Variants in ATP10A observed in about 807,000 individuals in gnomAD.
ATP10A encodes the protein phospholipid-transporting ATPase VA.
In ATP10A, 111 loss-of-function variants were observed where a neutral mutation model predicts 147.8. That is an observed-to-expected ratio of 0.75 (90% CI 0.64 to 0.88). The LOEUF (loss-of-function observed/expected upper bound fraction) is 0.88. Ranked by LOEUF, ATP10A falls within the 40% of genes least tolerant of loss-of-function variation. The pLI is 0.00. For missense variants in ATP10A, 1,927 were observed against 1,959.0 expected (o/e 0.98, Z 0.31); for synonymous variants, 875 against 841.6 (o/e 1.04, Z -0.69).
chr15:25,698,602 A>G (rs546714011), intron 13 of ATP10A, among the ~76,000 whole-genome samples: 26 of 152,320 alleles, frequency 1.7e-4, no homozygotes, highest in Middle Eastern at 3.4e-3. Context: ...TTTTGACTAC[A>G]TGGAGGGATT....
rs374927963 is a variant in ATP10A at position 25,736,046 on chromosome 15, C to T, written c.740+10G>A. 1.4e-4 allele frequency: 225 copies of T among 1,608,106 alleles called. No individual in the cohort carries two copies. The highest frequency in any genetic ancestry group is 1.8e-4 in the Non-Finnish European group (210 of 1,174,682). On this transcript the variant is annotated intron_variant, in intron 3 of 20. Coordinates refer to ENST00000555815, the MANE Select transcript of ATP10A (RefSeq NM_024490.4). ...AGAAGGATGCGCGCAGGCAGACACACGATACTCACATGCAGCCGCGAAACC... is the reference window on the plus strand; with the variant it reads ...AGAAGGATGCGCGCAGGCAGACACATGATACTCACATGCAGCCGCGAAACC...
chr15:25,694,396 T>C (rs2140318719), intron 14 of ATP10A, among the ~76,000 whole-genome samples: 1 of 152,294 alleles, frequency 6.6e-6, no homozygotes, highest in Non-Finnish European at 1.5e-5. Flanking sequence ...CCTTAGGGCG[T>C]TACAAAGCCT....
intron 15 of ATP10A, among the ~76,000 whole-genome samples, chr15:25,688,447 C>T (rs1899821822): frequency 1.3e-5 from 2 of 152,170 alleles, no homozygotes; most frequent in South Asian, 4.1e-4. Context: ...CAGGCAGGAG[C>T]CTGCCATGGA....
At chr15:25,735,221 G>A (rs141863733) in intron 3 of ATP10A, among the ~76,000 whole-genome samples, 22 of 152,262 alleles carry the variant, frequency 1.4e-4, no homozygotes, top group African/African-American at 3.6e-4. Flanking sequence ...GGTCATGTGC[G>A]TCATGCCCCT....
rs562224400 is a variant in ATP10A at position 25,691,661 on chromosome 15, A to G, written c.3165+54T>C. The G allele has an allele frequency of 3.2e-6, 5 of 1,579,746 alleles. No homozygotes were observed. The East Asian group carries it at 6.7e-5, about 21-fold the overall frequency. ...CGGGGACAGCCCACAGGGTGACAGGACAAGAGGTCAGTAGGGCCAATTGGT... is the reference window on the plus strand; with the variant it reads ...CGGGGACAGCCCACAGGGTGACAGGGCAAGAGGTCAGTAGGGCCAATTGGT... On this transcript the variant is annotated intron_variant, in intron 15 of 20. Coordinates refer to ENST00000555815, the MANE Select transcript of ATP10A (RefSeq NM_024490.4).
intron 13 of ATP10A, among the ~76,000 whole-genome samples, chr15:25,698,687 A>G (rs1396524353): frequency 6.6e-6 from 1 of 152,220 alleles, no homozygotes; most frequent in Non-Finnish European, 1.5e-5. Flanking sequence ...TAAAAATACT[A>G]CTTACAAAAC....
At chr15:25,781,831 T>A (rs1260199229) in intron 1 of ATP10A, among the ~76,000 whole-genome samples, 9 of 152,130 alleles carry the variant, frequency 5.9e-5, no homozygotes, top group Non-Finnish European at 1.3e-4. Flanking sequence ...GGAGTACCAG[T>A]CACAGCTTAA....
intron 1 of ATP10A, among the ~76,000 whole-genome samples, chr15:25,818,083 T>A (rs1008357322): frequency 2.1e-5 from 3 of 144,630 alleles, no homozygotes; most frequent in South Asian, 2.2e-4. Flanking sequence ...AAATTATTTT[T>A]AAAAAAAGCA....
intron 1 of ATP10A, among the ~76,000 whole-genome samples, chr15:25,797,287 T>TG (rs2140767086): frequency 6.6e-6 from 1 of 152,318 alleles, no homozygotes; most frequent in East Asian, 1.9e-4. Context: ...CTGTTGCAAG[T>TG]TCTAGTAAGT....
In ATP10A at chr15:25,716,761, A is replaced by C; in HGVS notation, c.1745T>G (p.Val582Gly). ...FIALTICNTV[V>G]VTSPDQPRTK... ...TCGTGGCTGATCCGGGGACGTGACG[A>C]CGACTGTGTTGCAGATGGTGAGTGC... is the stretch of plus-strand genomic sequence containing the variant. The change falls in exon 9 of 21, where the codon GTC becomes GGC. Residue 582 changes from valine to glycine, a missense_variant. Transcript: ENST00000555815. 3.1e-6 allele frequency: 5 copies of C among 1,600,470 alleles called. No individual in the cohort carries two copies. Among genetic ancestry groups the C allele is most frequent in the Non-Finnish European group, 4.3e-6 (5 of 1,173,430 alleles).
upstream of ATP10A, among the ~76,000 whole-genome samples, chr15:25,863,890 C>T (rs1430204090): frequency 2.0e-5 from 3 of 152,228 alleles, no homozygotes; most frequent in Non-Finnish European, 4.4e-5. Context: ...CGTTTCCTTT[C>T]CACCATCATC....
At chr15:25,844,822 CAAG>C (rs879336194) in intron 1 of ATP10A, among the ~76,000 whole-genome samples, 4 of 152,188 alleles carry the variant, frequency 2.6e-5, no homozygotes, top group Non-Finnish European at 4.4e-5. Flanking sequence ...CAAAATGAGA[CAAG>C]GAGGGGCTGG....
intron 1 of ATP10A, among the ~76,000 whole-genome samples, chr15:25,839,053 T>C (rs1017774270): frequency 1.3e-5 from 2 of 152,148 alleles, no homozygotes; most frequent in South Asian, 2.1e-4. Flanking sequence ...CAAAGGCGTG[T>C]TTACCTAGGT....
intron 2 of ATP10A, among the ~76,000 whole-genome samples, chr15:25,737,027 C>A (rs1483965975): frequency 6.6e-6 from 1 of 152,158 alleles, no homozygotes; most frequent in Non-Finnish European, 1.5e-5. Context: ...TAGAATACAG[C>A]CATAAAGGTA....
At chr15:25,779,186 A>G (rs1388637699) in intron 2 of ATP10A, among the ~76,000 whole-genome samples, 1 of 152,150 alleles carries the variant, frequency 6.6e-6, no homozygotes, top group Non-Finnish European at 1.5e-5. Flanking sequence ...AGAGGAAGTT[A>G]TTCTTGAGAG....
Position 25,724,016 on chromosome 15 carries a change from C to A in ATP10A, c.985G>T (p.Gly329Ter). 1 of 1,584,212 alleles carries A rather than the reference C, an allele frequency of 6.3e-7. No homozygotes were observed. Among genetic ancestry groups the A allele is most frequent in the Non-Finnish European group, 8.6e-7 (1 of 1,167,784 alleles). The change falls in exon 6 of 21, where the codon GGA becomes TGA. Residue 329 changes from glycine (G) to a stop codon, truncating the protein, a stop_gained. Coordinates refer to ENST00000555815, the MANE Select transcript of ATP10A (RefSeq NM_024490.4). LOFTEE classifies it high-confidence loss of function. The stretch of plus-strand genomic sequence containing the variant: ...TCTTGATACCGCCATATCCACAGTC[C>A]ATGTCCTGTAGTAATGTTCAAAGAG... ...CMSLFSAVGH[G>*]LWIWRYQEKK...
At chr15:25,776,384 T>C (rs539987512) in intron 2 of ATP10A, among the ~76,000 whole-genome samples, 1 of 152,310 alleles carries the variant, frequency 6.6e-6, no homozygotes, top group South Asian at 2.1e-4. Flanking sequence ...TTTTTCTGTT[T>C]CTCATCTATA....
At chr15:25,792,873 C>CTTTTTTTTTTTTTT (rs56011953) in intron 1 of ATP10A, among the ~76,000 whole-genome samples, 1 of 134,196 alleles carries the variant, frequency 7.5e-6, no homozygotes, top group Non-Finnish European at 1.5e-5. Context: ...CCTTTTCAAT[C>CTTTTTTTTTTTTTT]TTTTTTTTTT....
At chr15:25,831,337 C>CT (rs1381119189) in intron 1 of ATP10A, among the ~76,000 whole-genome samples, 1 of 152,222 alleles carries the variant, frequency 6.6e-6, no homozygotes, top group Non-Finnish European at 1.5e-5. Flanking sequence ...CAGAAAAATG[C>CT]TGGACTCACC....
Sources: gnomAD v4.1 joint callset for allele counts (sites outside exome capture counted in the v4.1 genomes callset) on GRCh38, gnomAD v4.1.1 for gene constraint, MANE v1.5 for transcripts, NCBI Gene and HGNC (gene_info 2026-07-23, HGNC 2026-07-21) for gene names.